MAP2K1: variants seen among roughly 807,000 people sequenced by gnomAD.
The protein encoded by MAP2K1 is mitogen-activated protein kinase kinase 1, also known as dual specificity mitogen-activated protein kinase kinase 1.
MAP2K1 carries 16 observed loss-of-function variants against 46.3 expected under a neutral mutation model. The observed-to-expected ratio is 0.35, with a 90% CI of 0.23 to 0.52. The LOEUF is 0.52. Among genes scored for constraint, MAP2K1 ranks in the 20% least tolerant of loss-of-function variants. MAP2K1 has a pLI of 0.94. For missense variants in MAP2K1, 263 were observed against 497.1 expected (o/e 0.53, Z 4.48); for synonymous variants, 183 against 185.6 (o/e 0.99, Z 0.11).
intron 1 of MAP2K1, among the ~76,000 whole-genome samples, chr15:66,427,428 G>A (rs902727111): frequency 2.6e-5 from 4 of 151,600 alleles, no homozygotes; most frequent in Non-Finnish European, 5.9e-5. Flanking sequence ...GTGTGGTGGC[G>A]GGCGCCTGTA....
At chr15:66,428,580 T>G (rs2093466113) in intron 1 of MAP2K1, among the ~76,000 whole-genome samples, 1 of 151,930 alleles carries the variant, frequency 6.6e-6, no homozygotes, top group Non-Finnish European at 1.5e-5. Flanking sequence ...GTTTACCAAT[T>G]TAAATGTTAA....
chr15:66,437,935 T>C (rs951323716), intron 3 of MAP2K1, among the ~76,000 whole-genome samples: 1 of 152,068 alleles, frequency 6.6e-6, no homozygotes, highest in Admixed American at 6.6e-5. Flanking sequence ...GTCCTAGTGC[T>C]TGGCCTGGGG....
At chr15:66,455,349 T>C (rs1168819555) in intron 5 of MAP2K1, among the ~76,000 whole-genome samples, 1 of 152,226 alleles carries the variant, frequency 6.6e-6, no homozygotes, top group East Asian at 1.9e-4. Context: ...AAGCATTCAC[T>C]CTAGGTAGGA....
At chr15:66,423,838 C>T (rs1301051621) in intron 1 of MAP2K1, among the ~76,000 whole-genome samples, 1 of 151,914 alleles carries the variant, frequency 6.6e-6, no homozygotes, top group African/African-American at 2.4e-5. Flanking sequence ...AACTCCCAAC[C>T]TCAGGTGATC....
intron 5 of MAP2K1, among the ~76,000 whole-genome samples, chr15:66,456,042 C>T (rs1892158035): frequency 6.6e-6 from 1 of 152,162 alleles, no homozygotes; most frequent in Admixed American, 6.5e-5. Flanking sequence ...TGGGTAGGTA[C>T]AGGTATATGC....
At chr15:66,445,092 C>A in intron 5 of MAP2K1, 1 of 157,552 alleles carries the variant, frequency 6.3e-6, no homozygotes, top group Admixed American at 8.4e-5. Flanking sequence ...TGATTTATTG[C>A]TGGGTACAGT....
intron 5 of MAP2K1, among the ~76,000 whole-genome samples, chr15:66,464,902 G>C (rs1892423312): frequency 6.6e-6 from 1 of 151,514 alleles, no homozygotes; most frequent in African/African-American, 2.4e-5. Context: ...GATAAAAATT[G>C]AAAAACTAGG....
intron 1 of MAP2K1, among the ~76,000 whole-genome samples, chr15:66,411,818 C>T (rs1449211650): frequency 1.3e-5 from 2 of 152,128 alleles, no homozygotes; most frequent in Non-Finnish European, 2.9e-5. Flanking sequence ...ACCTATTTAT[C>T]CATTTTAAAA....
intron 5 of MAP2K1, chr15:66,453,320 G>C: frequency 1.8e-6 from 1 of 560,890 alleles, no homozygotes; most frequent in Non-Finnish European, 3.2e-6. Flanking sequence ...TGCTTTGTGA[G>C]CCAGATGGGT....
At chr15:66,406,649 G>T (rs1174020358) in intron 1 of MAP2K1, among the ~76,000 whole-genome samples, 2 of 152,172 alleles carry the variant, frequency 1.3e-5, no homozygotes, top group African/African-American at 4.8e-5. Flanking sequence ...GATTAAAAAT[G>T]GAGAGAAATT....
intron 1 of MAP2K1, among the ~76,000 whole-genome samples, chr15:66,409,010 G>C (rs1353015706): frequency 6.6e-6 from 1 of 152,178 alleles, no homozygotes. Flanking sequence ...TTGAGTTTAT[G>C]AGGGGTGATT....
rs371140798 is a variant in MAP2K1 at position 66,490,563 on chromosome 15, C to T, written c.1130C>T (p.Ser377Phe). The change falls in exon 11 of 11, where the codon TCC becomes TTC. Residue 377 changes from serine (S) to phenylalanine (F), a missense_variant. Transcript: ENST00000307102. Reference protein sequence around the residue: ...EEVDFAGWLCSTIGLNQPSTP... With the variant: ...EEVDFAGWLCFTIGLNQPSTP... ...GTGGATTTTGCAGGTTGGCTCTGCT[C>T]CACCATCGGCCTTAACCAGCCCAGC... is the stretch of plus-strand genomic sequence containing the variant. 6 of 1,614,076 alleles carry T rather than the reference C, an allele frequency of 3.7e-6. No homozygotes were observed. The highest frequency in any genetic ancestry group is 5.1e-6 in the Non-Finnish European group (6 of 1,180,032).
At chr15:66,429,234 C>T (rs929584009) in intron 1 of MAP2K1, among the ~76,000 whole-genome samples, 6 of 152,110 alleles carry the variant, frequency 3.9e-5, no homozygotes, top group African/African-American at 7.2e-5. Flanking sequence ...CATACACTCA[C>T]GGCATAAGGC....
chr15:66,480,649 G>A (rs1355157555), intron 5 of MAP2K1, among the ~76,000 whole-genome samples: 2 of 152,124 alleles, frequency 1.3e-5, no homozygotes, highest in Non-Finnish European at 2.9e-5. Context: ...GGCTCTGCTG[G>A]GTTGTATTAT....
intron 1 of MAP2K1, among the ~76,000 whole-genome samples, chr15:66,428,773 C>CTTTTTTT (rs1196428468): frequency 3.8e-5 from 3 of 78,196 alleles, no homozygotes; most frequent in African/African-American, 5.7e-5. Flanking sequence ...ATTTTCTTTC[C>CTTTTTTT]TTTTTTTTTT....
intron 6 of MAP2K1, among the ~76,000 whole-genome samples, chr15:66,484,145 C>A (rs962311862): frequency 6.6e-6 from 1 of 151,394 alleles, no homozygotes; most frequent in Non-Finnish European, 1.5e-5. Context: ...CACCACCCCC[C>A]CCCACCTTTT....
intron 1 of MAP2K1, among the ~76,000 whole-genome samples, chr15:66,430,094 G>C (rs2093471483): frequency 6.6e-6 from 1 of 152,148 alleles, no homozygotes; most frequent in Admixed American, 6.5e-5. Flanking sequence ...CTCACAGATG[G>C]GTAAATAGGG....
At position 66,420,723 on chromosome 15, in the gene MAP2K1, G is replaced by GTATA. The variant is rs1450803477; in HGVS notation, c.81-14303_81-14302insATAT. On this transcript the variant is annotated intron_variant, in intron 1 of 10. Transcript: ENST00000307102. ...ACTCTTGGCATATATATATATATAT[G>GTATA]TGTGTGTGTGTGTGTGTGTGTGTGT... Among the ~76,000 whole-genome samples the GTATA allele has an allele frequency of 9.8e-3, 323 of 32,912 alleles. 30 individuals are homozygous for GTATA. Among genetic ancestry groups the GTATA allele is most frequent in the Middle Eastern group, 0.079 (3 of 38 alleles). 21.6% of individuals were successfully genotyped at this position (32,912 alleles called of 152,430 possible). A position where few individuals can be genotyped will look rare whatever the true frequency, so the allele number is the denominator to read the frequency against.
rs558709147 is a variant in MAP2K1, at chr15:66,397,979, G to C, written c.80+10552G>C. Among the ~76,000 whole-genome samples the C allele has an allele frequency of 3.0e-3, 463 of 152,278 alleles. 1 individual carries two copies. Among genetic ancestry groups the C allele is most frequent in the Middle Eastern group, 0.01 (3 of 294 alleles). On this transcript the variant is annotated intron_variant, in intron 1 of 10. Coordinates refer to ENST00000307102, the MANE Select transcript of MAP2K1 (RefSeq NM_002755.4). ...TAGCCAGGTGTGGTGGCACGTGCCT[G>C]TGGTCCTAGCTACTTGGGAGGCTGA...
Sources: allele counts gnomAD v4.1 joint callset (sites outside exome capture counted in the v4.1 genomes callset), GRCh38; gene constraint gnomAD v4.1.1; transcripts MANE v1.5; gene names NCBI Gene and HGNC (gene_info 2026-07-23, HGNC 2026-07-21).